The following ROBO2 variants were observed in gnomAD, a reference collection of about 807,000 sequenced individuals.
ROBO2 encodes the protein roundabout guidance receptor 2.
A neutral mutation model predicts 160.8 loss-of-function variants in ROBO2; 53 were observed. That is an observed-to-expected ratio of 0.33 (90% confidence interval 0.26 to 0.41). ROBO2 has a LOEUF of 0.41. Among genes scored for constraint, ROBO2 ranks in the 10% least tolerant of loss-of-function variants. The pLI, the probability that ROBO2 is intolerant of heterozygous loss-of-function variation, is 1.00. For synonymous variants in ROBO2, 664 were observed against 611.7 expected (o/e 1.09, Z -1.26); for missense variants, 1,577 against 1,722.4 (o/e 0.92, Z 1.49).
rs1311372198 is a variant in ROBO2, at chr3:77,294,218, T to C, written c.389-183196T>C. 1.4e-5 allele frequency among the ~76,000 whole-genome samples: 2 copies of C among 139,834 alleles called. 1 individual carries two copies. Among genetic ancestry groups the C allele is most frequent in the Non-Finnish European group, 3.1e-5 (2 of 65,504 alleles). 91.7% of individuals were successfully genotyped at this position (139,834 alleles called of 152,430 possible). On this transcript the variant is annotated intron_variant, in intron 2 of 25. Coordinates refer to ENST00000461745, the Ensembl canonical transcript of ROBO2. ...AAAATTGACGGCTAAAAGGGTAAGC[T>C]GAGACTAGATCACCCCGGACATAAA...
intron 2 of ROBO2, among the ~76,000 whole-genome samples, chr3:76,956,252 A>G (rs905400969): frequency 6.6e-6 from 1 of 152,284 alleles, no homozygotes; most frequent in South Asian, 2.1e-4. Context: ...CCTTTAGATT[A>G]AAATATGTTA....
intron 2 of ROBO2, among the ~76,000 whole-genome samples, chr3:76,003,579 A>T (rs2065945044): frequency 6.6e-6 from 1 of 152,238 alleles, no homozygotes; most frequent in African/African-American, 2.4e-5. Context: ...TTGGACTTTG[A>T]AAAAATACAG....
chr3:77,355,290 A>G (rs1441420806), intron 2 of ROBO2, among the ~76,000 whole-genome samples: 1 of 151,942 alleles, frequency 6.6e-6, no homozygotes, highest in Non-Finnish European at 1.5e-5. Context: ...CTTTTCCAGA[A>G]TATCTTATAA....
chr3:76,911,375 G>A (rs1184188720), intron 2 of ROBO2, among the ~76,000 whole-genome samples: 1 of 152,080 alleles, frequency 6.6e-6, no homozygotes, highest in East Asian at 1.9e-4. Flanking sequence ...TAAAATCAGG[G>A]GAAAAACATG....
At chr3:76,006,342 T>A (rs1374569762) in intron 2 of ROBO2, among the ~76,000 whole-genome samples, 1 of 152,140 alleles carries the variant, frequency 6.6e-6, no homozygotes, top group East Asian at 1.9e-4. Context: ...TTCTGGATCT[T>A]CCAGTGATAG....
chr3:77,224,101 G>A (rs913380276), intron 2 of ROBO2, among the ~76,000 whole-genome samples: 1 of 151,992 alleles, frequency 6.6e-6, no homozygotes, highest in African/African-American at 2.4e-5. Context: ...TCTAACCAAT[G>A]ATCATGAAAG....
chr3:77,552,125 T>C (rs1456731673), intron 8 of ROBO2, among the ~76,000 whole-genome samples: 8 of 152,126 alleles, frequency 5.3e-5, no homozygotes, highest in Admixed American at 2.6e-4. Flanking sequence ...TACCTCCATA[T>C]TTCTTTAAAA....
intron 2 of ROBO2, among the ~76,000 whole-genome samples, chr3:76,812,071 G>A (rs961666278): frequency 3.3e-5 from 5 of 151,656 alleles, no homozygotes; most frequent in African/African-American, 4.8e-5. Context: ...GGGTTTCACC[G>A]TGTTAGCAAG....
At chr3:76,357,827 C>T (rs7340678) in intron 2 of ROBO2, among the ~76,000 whole-genome samples, 19,994 of 150,852 alleles carry the variant, frequency 0.13, 1,630 homozygotes, top group African/African-American at 0.23. Context: ...GATTTAAATA[C>T]AATTTTGAAT....
chr3:77,304,522 T>G (rs2062931340), intron 2 of ROBO2, among the ~76,000 whole-genome samples: 1 of 152,158 alleles, frequency 6.6e-6, no homozygotes, highest in Non-Finnish European at 1.5e-5. Context: ...TGCAGAGGCT[T>G]TTCAGGGCTG....
chr3:77,208,070 C>T (rs2083649747), intron 2 of ROBO2, among the ~76,000 whole-genome samples: 1 of 152,156 alleles, frequency 6.6e-6, no homozygotes, highest in African/African-American at 2.4e-5. Context: ...CGCATTAGAA[C>T]TAGCTGATGC....
chr3:76,517,108 T>G (rs1242581691), intron 2 of ROBO2, among the ~76,000 whole-genome samples: 1 of 152,176 alleles, frequency 6.6e-6, no homozygotes, highest in Non-Finnish European at 1.5e-5. Flanking sequence ...TCTTTTAATA[T>G]AACGGTTATA....
intron 2 of ROBO2, among the ~76,000 whole-genome samples, chr3:76,808,847 A>C (rs1461628321): frequency 1.3e-5 from 2 of 152,052 alleles, no homozygotes; most frequent in Non-Finnish European, 2.9e-5. Context: ...GGGAATGAAA[A>C]AATTCATGCA....
chr3:77,450,717 A>G (rs2081028454), intron 2 of ROBO2, among the ~76,000 whole-genome samples: 1 of 152,156 alleles, frequency 6.6e-6, no homozygotes, highest in Admixed American at 6.6e-5. Flanking sequence ...TTTAGTTTTT[A>G]GAAAGACTAA....
At chr3:76,626,340 A>G (rs1184921797) in intron 2 of ROBO2, among the ~76,000 whole-genome samples, 1 of 152,178 alleles carries the variant, frequency 6.6e-6, no homozygotes, top group African/African-American at 2.4e-5. Context: ...GGAAGTTTCC[A>G]GTATAGCAAA....
chr3:76,048,999 CACAT>C (rs1055474834), intron 2 of ROBO2, among the ~76,000 whole-genome samples: 1 of 151,966 alleles, frequency 6.6e-6, no homozygotes, highest in African/African-American at 2.4e-5. Context: ...ATATTAGAGG[CACAT>C]ATGATGGTAC....
intron 2 of ROBO2, among the ~76,000 whole-genome samples, chr3:76,328,728 C>T (rs1192296402): frequency 6.6e-6 from 1 of 151,716 alleles, no homozygotes; most frequent in Admixed American, 6.6e-5. Flanking sequence ...GGCGTGGTGG[C>T]GGCGCCTGTA....
intron 2 of ROBO2, among the ~76,000 whole-genome samples, chr3:76,985,851 C>A (rs1195374423): frequency 2.0e-5 from 3 of 152,098 alleles, no homozygotes; most frequent in Non-Finnish European, 2.9e-5. Context: ...TAATGATCAA[C>A]TGGAAGAGCT....
chr3:76,709,079 A>G (rs534873142), intron 2 of ROBO2, among the ~76,000 whole-genome samples: 29 of 152,308 alleles, frequency 1.9e-4, no homozygotes, highest in Non-Finnish European at 3.5e-4. Flanking sequence ...TATTTTTTAT[A>G]TCCTAAATCT....
Sources: gnomAD v4.1 joint callset for allele counts (sites outside exome capture counted in the v4.1 genomes callset) on GRCh38, gnomAD v4.1.1 for gene constraint, MANE v1.5 for transcripts, NCBI Gene and HGNC (gene_info 2026-07-23, HGNC 2026-07-21) for gene names.